The following MGAT4C variants were observed in gnomAD, a reference collection of about 807,000 sequenced individuals.
The protein encoded by MGAT4C is MGAT4 family member C.
In MGAT4C, 19 loss-of-function variants were observed where a neutral mutation model predicts 40.1. The observed-to-expected ratio is 0.47, with a 90% CI of 0.33 to 0.70. MGAT4C has a LOEUF of 0.70. MGAT4C is among the 30% of genes least tolerant of loss of function. The pLI, the probability that MGAT4C is intolerant of heterozygous loss-of-function variation, is 0.02. For missense variants in MGAT4C, 491 were observed against 563.2 expected (o/e 0.87, Z 1.30); for synonymous variants, 181 against 187.1 (o/e 0.97, Z 0.27).
intron 1 of MGAT4C, among the ~76,000 whole-genome samples, chr12:86,154,144 T>C (rs1438234502): frequency 6.6e-6 from 1 of 152,114 alleles, no homozygotes. Context: ...TTACCATGAA[T>C]TGTATTTGAG....
At chr12:86,044,794 C>T (rs1892225169) in intron 2 of MGAT4C, among the ~76,000 whole-genome samples, 1 of 152,084 alleles carries the variant, frequency 6.6e-6, no homozygotes, top group Admixed American at 6.5e-5. Context: ...GCAGACCTAG[C>T]TATGTTTTAC....
intron 2 of MGAT4C, among the ~76,000 whole-genome samples, chr12:86,547,348 CTTCT>C (rs1959200096): frequency 6.6e-6 from 1 of 151,964 alleles, no homozygotes; most frequent in African/African-American, 2.4e-5. Context: ...TCCTCCTTCT[CTTCT>C]TTCTTTATCC....
At chr12:86,795,225 T>C (rs1354950264) in intron 1 of MGAT4C, among the ~76,000 whole-genome samples, 1 of 151,982 alleles carries the variant, frequency 6.6e-6, no homozygotes, top group Non-Finnish European at 1.5e-5. Context: ...ATTGTTCTGG[T>C]TCTTGTGTAA....
chr12:86,574,851 T>C (rs1045159256), intron 2 of MGAT4C, among the ~76,000 whole-genome samples: 5 of 151,852 alleles, frequency 3.3e-5, no homozygotes, highest in African/African-American at 1.2e-4. Flanking sequence ...ACAATATGCA[T>C]GATATTAACC....
At chr12:86,416,971 C>T (rs1445117285) in intron 3 of MGAT4C, among the ~76,000 whole-genome samples, 1 of 152,080 alleles carries the variant, frequency 6.6e-6, no homozygotes, top group Non-Finnish European at 1.5e-5. Flanking sequence ...TGGCCCGCCA[C>T]CACTTTGATT....
At chr12:86,132,791 C>CAAAAAAAAAA (rs60321690) in intron 1 of MGAT4C, among the ~76,000 whole-genome samples, 3 of 93,726 alleles carry the variant, frequency 3.2e-5, no homozygotes, top group African/African-American at 4.2e-5. Context: ...GACTCCGTCT[C>CAAAAAAAAAA]AAAAAAAAAA....
chr12:86,387,969 T>C (rs1956087504), intron 3 of MGAT4C, among the ~76,000 whole-genome samples: 1 of 152,148 alleles, frequency 6.6e-6, no homozygotes, highest in Non-Finnish European at 1.5e-5. Flanking sequence ...TCAGTAAGTG[T>C]GTAGTTTCAA....
chr12:86,604,083 G>T (rs1961954477), intron 2 of MGAT4C, among the ~76,000 whole-genome samples: 1 of 151,878 alleles, frequency 6.6e-6, no homozygotes, highest in Non-Finnish European at 1.5e-5. Flanking sequence ...AACAGAAGGG[G>T]ATTCTGCCTA....
chr12:86,195,586 A>G (rs1219545254), intron 1 of MGAT4C, among the ~76,000 whole-genome samples: 1 of 152,194 alleles, frequency 6.6e-6, no homozygotes, highest in African/African-American at 2.4e-5. Context: ...TCCCCTGAAA[A>G]GACAGCACTG....
intron 2 of MGAT4C, among the ~76,000 whole-genome samples, chr12:86,480,441 T>TATAC (rs953242712): frequency 6.7e-6 from 1 of 148,332 alleles, no homozygotes; most frequent in African/African-American, 2.4e-5. Context: ...TGTATGTATG[T>TATAC]ATACATATAT....
intron 1 of MGAT4C, among the ~76,000 whole-genome samples, chr12:86,776,058 G>A (rs927575678): frequency 6.6e-6 from 1 of 151,822 alleles, no homozygotes; most frequent in Admixed American, 6.6e-5. Context: ...ATAAATACCT[G>A]AACTAAAGTG....
At chr12:86,779,416 G>C (rs935276658) in intron 1 of MGAT4C, among the ~76,000 whole-genome samples, 1 of 151,676 alleles carries the variant, frequency 6.6e-6, no homozygotes, top group Non-Finnish European at 1.5e-5. Context: ...GCAGCATAGC[G>C]AGACCCCATC....
At chr12:85,987,132 T>C (rs1316123912) in intron 3 of MGAT4C, among the ~76,000 whole-genome samples, 1 of 65,086 alleles carries the variant, frequency 1.5e-5, no homozygotes, top group Non-Finnish European at 3.6e-5. Context: ...TTTTTTTTTT[T>C]TTTTTTTTTT....
chr12:86,644,703 T>C (rs927108492), intron 2 of MGAT4C, among the ~76,000 whole-genome samples: 8 of 151,764 alleles, frequency 5.3e-5, no homozygotes, highest in Admixed American at 4.0e-4. Flanking sequence ...GAATAGATTA[T>C]ATTAGATTTT....
chr12:86,464,323 C>A (rs569821104), intron 2 of MGAT4C, among the ~76,000 whole-genome samples: 14 of 152,100 alleles, frequency 9.2e-5, no homozygotes, highest in Non-Finnish European at 2.1e-4. Context: ...ATTAAAGAAT[C>A]ATTTTGCAGT....
intron 2 of MGAT4C, among the ~76,000 whole-genome samples, chr12:86,525,728 C>G (rs1217613091): frequency 6.6e-6 from 1 of 152,192 alleles, no homozygotes; most frequent in Non-Finnish European, 1.5e-5. Context: ...GCTCCCAACT[C>G]CTGGACTGTG....
chr12:86,519,393 T>C (rs950742784), intron 2 of MGAT4C, among the ~76,000 whole-genome samples: 3 of 152,194 alleles, frequency 2.0e-5, no homozygotes, highest in Non-Finnish European at 4.4e-5. Flanking sequence ...TTTGAAATAC[T>C]GATTTCATTT....
chr12:86,340,729 G>A (rs1954889206), intron 3 of MGAT4C, among the ~76,000 whole-genome samples: 1 of 151,812 alleles, frequency 6.6e-6, no homozygotes, highest in Admixed American at 6.6e-5. Flanking sequence ...AAGATACTGT[G>A]GCTTGGAACT....
chr12:86,157,743 G>A (rs1422581402), intron 1 of MGAT4C, among the ~76,000 whole-genome samples: 1 of 152,060 alleles, frequency 6.6e-6, no homozygotes, highest in Non-Finnish European at 1.5e-5. Flanking sequence ...AGAGAGAGTG[G>A]GCGAAGAAGG....
Sources: allele counts gnomAD v4.1 joint callset (sites outside exome capture counted in the v4.1 genomes callset), GRCh38; gene constraint gnomAD v4.1.1; transcripts MANE v1.5; gene names NCBI Gene and HGNC (gene_info 2026-07-23, HGNC 2026-07-21).